The following C2orf49 variants were observed in gnomAD, a reference collection of about 807,000 sequenced individuals.
The protein encoded by C2orf49 is tRNA-splicing ligase complex subunit ASW.
A neutral mutation model predicts 20.6 loss-of-function variants in C2orf49; 11 were observed. That is an observed-to-expected ratio of 0.53 (90% CI 0.34 to 0.88). C2orf49 has a LOEUF of 0.88. C2orf49 is among the 40% of genes least tolerant of loss of function. The pLI is 0.02. For synonymous variants in C2orf49, 134 were observed against 108.5 expected (o/e 1.24, Z -1.46); for missense variants, 289 against 274.2 (o/e 1.05, Z -0.38).
intron 3 of C2orf49, among the ~76,000 whole-genome samples, chr2:105,344,458 G>T (rs564885057): frequency 7.4e-4 from 112 of 150,836 alleles, no homozygotes; most frequent in Middle Eastern, 3.4e-3. Context: ...TATATATATA[G>T]AGAGAGAGAG....
At chr2:105,367,376 G>A in the C2orf49 span, among the ~76,000 whole-genome samples, 1 of 152,182 alleles carries the variant, frequency 6.6e-6, no homozygotes, top group Non-Finnish European at 1.5e-5. Context: ...GCTCAACAAT[G>A]TTGATGTCTT....
At chr2:105,362,474 C>T in the C2orf49 span, among the ~76,000 whole-genome samples, 1 of 152,196 alleles carries the variant, frequency 6.6e-6, no homozygotes, top group Non-Finnish European at 1.5e-5. Context: ...TCTGTAGTTA[C>T]ACTGAAAAGC....
rs115855580 is a variant in C2orf49, at chr2:105,342,071, C to T, written c.267-777C>T. On this transcript the variant is annotated intron_variant, in intron 2 of 3. Transcript: ENST00000258457. ...ACCTGTATCCCAGCTATTCGGGAGG[C>T]TGAGGCAGGAGAGTCACTTGAACCT... Among the ~76,000 whole-genome samples the T allele has an allele frequency of 8.1e-3, 1,233 of 152,328 alleles. 11 individuals are homozygous for T. The highest frequency in any genetic ancestry group is 0.011 in the Non-Finnish European group (746 of 68,026).
chr2:105,345,701 G>A lies in C2orf49; in HGVS notation c.*330G>A, dbSNP rs1274873897. The A allele has an allele frequency of 1.6e-5, 4 of 244,064 alleles. No homozygotes were observed. The highest frequency in any genetic ancestry group is 1.1e-4 in the East Asian group (1 of 8,768). The allele number at this position is 244,064 out of a possible 1,614,324, so 15.1% of individuals were successfully genotyped here. On this transcript the variant is annotated 3_prime_UTR_variant, in exon 4 of 4. Transcript: ENST00000258457. ...GAATTGGCCAGGCGCAGTGGCTCACGCCTATAATCCCAGCACTTTGAGAGA... is the reference window on the plus strand; with the variant it reads ...GAATTGGCCAGGCGCAGTGGCTCACACCTATAATCCCAGCACTTTGAGAGA...
chr2:105,361,621 C>T, the C2orf49 span, among the ~76,000 whole-genome samples: 3 of 152,128 alleles, frequency 2.0e-5, no homozygotes, highest in Admixed American at 6.5e-5. Flanking sequence ...TGGAGGATCT[C>T]GTGAATATCA....
downstream of C2orf49, among the ~76,000 whole-genome samples, chr2:105,352,429 G>GTTTTTTTTTTTTTTTTTTTTGGTT (rs1679956384): frequency 2.5e-5 from 2 of 80,764 alleles, no homozygotes; most frequent in Non-Finnish European, 4.3e-5. Flanking sequence ...GTTTGTTTGG[G>GTTTTTTTTTTTTTTTTTTTTGGTT]TTTTTTTTTT....
At chr2:105,371,836 C>T in the C2orf49 span, among the ~76,000 whole-genome samples, 1 of 152,132 alleles carries the variant, frequency 6.6e-6, no homozygotes, top group Non-Finnish European at 1.5e-5. Context: ...CTTATTGTTA[C>T]TGAGTGTTGT....
chr2:105,352,020 T>TC (rs1219199724), downstream of C2orf49, among the ~76,000 whole-genome samples: 8 of 152,300 alleles, frequency 5.3e-5, no homozygotes, highest in Middle Eastern at 3.4e-3. Context: ...AACCTCCCAC[T>TC]CCAACAGTGA....
chr2:105,367,998 C>A, the C2orf49 span, among the ~76,000 whole-genome samples: 24 of 152,224 alleles, frequency 1.6e-4, no homozygotes, highest in East Asian at 4.4e-3. Context: ...TTATTGAATA[C>A]CGTGGTTAGG....
the C2orf49 span, chr2:105,378,471 C>T: frequency 1.5e-5 from 4 of 275,800 alleles, no homozygotes; most frequent in African/African-American, 2.2e-5. Flanking sequence ...AGATGCTGCC[C>T]TTTCCCTTCA....
chr2:105,351,549 T>G (rs1279017956), downstream of C2orf49, among the ~76,000 whole-genome samples: 1 of 152,184 alleles, frequency 6.6e-6, no homozygotes, highest in Non-Finnish European at 1.5e-5. Context: ...CTAATGTGTG[T>G]TTTTGTTTTG....
At chr2:105,359,886 C>T in the C2orf49 span, 2 of 152,096 alleles carry the variant, frequency 1.3e-5, no homozygotes, top group African/African-American at 4.8e-5. Flanking sequence ...GATGTGGATC[C>T]ATAACACTGG....
chr2:105,372,839 A>T, the C2orf49 span, among the ~76,000 whole-genome samples: 1 of 152,166 alleles, frequency 6.6e-6, no homozygotes, highest in Non-Finnish European at 1.5e-5. Context: ...TTACAGGTAT[A>T]AGCCACCGCA....
At chr2:105,338,892 C>G (rs1679583354) in intron 1 of C2orf49, among the ~76,000 whole-genome samples, 1 of 152,070 alleles carries the variant, frequency 6.6e-6, no homozygotes, top group African/African-American at 2.4e-5. Flanking sequence ...TACTCCTGTG[C>G]TTATGCTATG....
At chr2:105,380,326 T>C in the C2orf49 span, among the ~76,000 whole-genome samples, 1 of 152,174 alleles carries the variant, frequency 6.6e-6, no homozygotes, top group African/African-American at 2.4e-5. Context: ...CTCTGAATCT[T>C]TACCTGTGAA....
At chr2:105,373,040 T>A in the C2orf49 span, among the ~76,000 whole-genome samples, 1 of 152,220 alleles carries the variant, frequency 6.6e-6, no homozygotes, top group Non-Finnish European at 1.5e-5. Flanking sequence ...CCTCGGCACC[T>A]GGCCCAGTTG....
rs142908986 is a variant in C2orf49, at chr2:105,343,125, A to T, written c.544A>T (p.Ser182Cys). 2 of 1,614,248 alleles carry T rather than the reference A, an allele frequency of 1.2e-6. No individual in the cohort carries two copies. The highest frequency in any genetic ancestry group is 1.7e-6 in the Non-Finnish European group (2 of 1,180,044). The part of the protein sequence containing the change: ...KQNHDLTHRK[S>C]PSGPVKSPPL... ...GAACCATGACTTAACGCATAGGAAA[A>T]GTCCTTCAGGCCCTGTGAAGTCGCC... The change falls in exon 3 of 4, where the codon AGT (serine) becomes TGT (cysteine). Residue 182 changes from serine to cysteine, a missense_variant. By Grantham distance (112) the Ser-to-Cys change is moderately radical. Transcript: ENST00000258457.
the C2orf49 span, among the ~76,000 whole-genome samples, chr2:105,364,814 CAG>C: frequency 1.5e-4 from 23 of 152,130 alleles, no homozygotes; most frequent in African/African-American, 4.8e-4. Context: ...AACTGAGACT[CAG>C]AGAAATTAAA....
At chr2:105,357,545 G>A in the C2orf49 span, among the ~76,000 whole-genome samples, 2 of 152,124 alleles carry the variant, frequency 1.3e-5, no homozygotes, top group Admixed American at 6.6e-5. Flanking sequence ...CATAGAATTT[G>A]CATATAACCT....
Sources: allele counts gnomAD v4.1 joint callset (sites outside exome capture counted in the v4.1 genomes callset), GRCh38; gene constraint gnomAD v4.1.1; transcripts MANE v1.5; gene names NCBI Gene and HGNC (gene_info 2026-07-23, HGNC 2026-07-21).